PAX5: variants seen among roughly 807,000 people sequenced by gnomAD.
PAX5 encodes the protein paired box protein Pax-5.
In PAX5, 9 loss-of-function variants were observed where a neutral mutation model predicts 43.7. That is an observed-to-expected ratio of 0.21 (90% CI 0.12 to 0.36). The LOEUF (loss-of-function observed/expected upper bound fraction) is 0.36. Ranked by LOEUF, PAX5 falls within the 10% of genes least tolerant of loss-of-function variation. The probability of loss-of-function intolerance (pLI) is 1.00; values close to 1 mark genes in which losing one functional copy is unlikely to be tolerated. For missense variants in PAX5, 383 were observed against 532.7 expected (o/e 0.72, Z 2.77); for synonymous variants, 228 against 214.3 (o/e 1.06, Z -0.56).
intron 7 of PAX5, among the ~76,000 whole-genome samples, chr9:36,913,381 A>G (rs1829464011): frequency 6.6e-6 from 1 of 152,244 alleles, no homozygotes; most frequent in Non-Finnish European, 1.5e-5. Context: ...GTCTGGCCCC[A>G]TTCCTTTGTT....
rs2131653784 is a variant in PAX5, at chr9:36,862,177, C to T, written c.1013-15248G>A. Among the ~76,000 whole-genome samples the T allele has an allele frequency of 1.3e-5, 2 of 152,126 alleles. 1 individual carries two copies. The highest frequency in any genetic ancestry group is 3.9e-4 in the East Asian group (2 of 5,178). ...CTCTCGCTAAGCCTGTCACAAAAGC[C>T]ATAAAAATGGGTCCCTACGGGGTTG... On this transcript the variant is annotated intron_variant, in intron 8 of 9. Coordinates refer to ENST00000358127, the MANE Select transcript of PAX5 (RefSeq NM_016734.3).
At chr9:37,033,485 A>G (rs540849940) in intron 1 of PAX5, among the ~76,000 whole-genome samples, 23 of 152,184 alleles carry the variant, frequency 1.5e-4, no homozygotes, top group Non-Finnish European at 2.8e-4. Flanking sequence ...GTACACTCAG[A>G]TATTTCCGAA....
At chr9:36,872,374 T>A (rs551610935) in intron 8 of PAX5, among the ~76,000 whole-genome samples, 94 of 152,314 alleles carry the variant, frequency 6.2e-4, no homozygotes, top group African/African-American at 2.2e-3. Flanking sequence ...GGAGCTGTTA[T>A]GAGCAGGGAT....
chr9:37,011,973 A>T (rs758097452), intron 3 of PAX5, among the ~76,000 whole-genome samples: 1 of 152,158 alleles, frequency 6.6e-6, no homozygotes, highest in Non-Finnish European at 1.5e-5. Context: ...CCTTCATCTG[A>T]AAAATAAAAC....
chr9:36,884,891 G>T (rs1232460834), intron 7 of PAX5, among the ~76,000 whole-genome samples: 4 of 152,190 alleles, frequency 2.6e-5, no homozygotes, highest in African/African-American at 7.2e-5. Flanking sequence ...AGCCCACCAG[G>T]ATGGCAGTAT....
At chr9:36,863,390 G>C (rs1207214852) in intron 8 of PAX5, among the ~76,000 whole-genome samples, 1 of 152,292 alleles carries the variant, frequency 6.6e-6, no homozygotes, top group East Asian at 1.9e-4. Context: ...CGGCCTCCCC[G>C]AGTGCTGGGA....
chr9:36,866,047 T>C (rs1824843671), intron 8 of PAX5, among the ~76,000 whole-genome samples: 1 of 152,180 alleles, frequency 6.6e-6, no homozygotes, highest in African/African-American at 2.4e-5. Flanking sequence ...GGGGCTGATG[T>C]TATTGAAAGG....
At chr9:37,003,271 C>T (rs1292681253) in intron 4 of PAX5, among the ~76,000 whole-genome samples, 1 of 152,020 alleles carries the variant, frequency 6.6e-6, no homozygotes, top group Non-Finnish European at 1.5e-5. Context: ...CAAACTCACG[C>T]GCACGGCTAA....
intron 3 of PAX5, 131 bp from the exon 4 acceptor site, chr9:37,006,668 G>C: frequency 2.8e-6 from 2 of 713,438 alleles, no homozygotes; most frequent in Non-Finnish European, 5.1e-6. Context: ...CAGAGGGGCA[G>C]AGGTGGAGGG....
At position 37,002,612 on chromosome 9, in the gene PAX5, G is replaced by T. The variant is rs775764534; in HGVS notation, c.604+36C>A. On this transcript the variant is annotated intron_variant, in intron 5 of 9. Transcript: ENST00000358127. ...GAGCGCCGGAAACAGACCCCGTGGA[G>T]CGCATCCCCGACGGGGCTGCGCGGG... is the stretch of plus-strand genomic sequence containing the variant. The T allele has an allele frequency of 2.8e-4, 450 of 1,592,058 alleles. 3 individuals are homozygous for T. Among genetic ancestry groups the T allele is most frequent in the Middle Eastern group, 1.8e-4 (1 of 5,678 alleles).
At chr9:36,852,981 T>C (rs976135082) in intron 8 of PAX5, among the ~76,000 whole-genome samples, 1 of 152,176 alleles carries the variant, frequency 6.6e-6, no homozygotes, top group South Asian at 2.1e-4. Flanking sequence ...TCACCCCTGA[T>C]GTATTTGAAA....
intron 7 of PAX5, among the ~76,000 whole-genome samples, chr9:36,904,040 T>C (rs548132454): frequency 6.6e-6 from 1 of 152,330 alleles, no homozygotes; most frequent in East Asian, 1.9e-4. Context: ...GTTTCTATGC[T>C]TCTCTGTGCC....
chr9:36,900,685 C>T (rs1828305533), intron 7 of PAX5, among the ~76,000 whole-genome samples: 1 of 152,154 alleles, frequency 6.6e-6, no homozygotes, highest in Non-Finnish European at 1.5e-5. Context: ...ACCCTGGTTT[C>T]CCAGAGTCCC....
At position 36,975,393 on chromosome 9, in the gene PAX5, T is replaced by G. The variant is rs186373214; in HGVS notation, c.605-8669A>C. Among the ~76,000 whole-genome samples the G allele has an allele frequency of 6.0e-4, 91 of 151,764 alleles. 1 individual carries two copies. Among genetic ancestry groups the G allele is most frequent in the African/African-American group, 2.1e-3 (88 of 41,400 alleles). ...ATGATATTTGAGCAATTTCTTTTTTTTTTGTTTTTTGAGACGGAGTCTTGC... is the reference window on the plus strand; with the variant it reads ...ATGATATTTGAGCAATTTCTTTTTTGTTTGTTTTTTGAGACGGAGTCTTGC... On this transcript the variant is annotated intron_variant, in intron 5 of 9. Coordinates refer to ENST00000358127, the MANE Select transcript of PAX5 (RefSeq NM_016734.3).
intron 7 of PAX5, chr9:36,893,569 G>A (rs1827587501): frequency 6.5e-6 from 1 of 154,422 alleles, no homozygotes; most frequent in African/African-American, 2.4e-5. Flanking sequence ...GACGAGCTCA[G>A]TGGCTTGGCT....
intron 8 of PAX5, chr9:36,861,165 C>G (rs1730709722): frequency 1.3e-5 from 2 of 151,956 alleles, no homozygotes; most frequent in African/African-American, 4.8e-5. Context: ...GCCCTGGTGG[C>G]ATCTGCCTTG....
At chr9:36,964,330 T>C (rs772376824) in intron 6 of PAX5, among the ~76,000 whole-genome samples, 2 of 151,900 alleles carry the variant, frequency 1.3e-5, no homozygotes, top group African/African-American at 2.4e-5. Flanking sequence ...GGCTCACACC[T>C]ATAATCCCAG....
rs1355754180 is a variant in PAX5 at position 37,015,222 on chromosome 9, C to T, written c.213-28G>A. On this transcript the variant is annotated intron_variant, in intron 2 of 9. Transcript: ENST00000358127. This position sits in a 1 kb window ranked among gnomAD's most constrained non-coding sequence, Gnocchi z 4.4. Reference sequence around the variant, plus strand: ...AGGACCCAAAGAGAAAGAAGCTTAGCCATGAGGAACCAGTAAAGTGGATAT... The same window carrying T: ...AGGACCCAAAGAGAAAGAAGCTTAGTCATGAGGAACCAGTAAAGTGGATAT... 1.3e-6 allele frequency: 2 copies of T among 1,592,918 alleles called. No individual in the cohort carries two copies. Among genetic ancestry groups the T allele is most frequent in the Non-Finnish European group, 8.6e-7 (1 of 1,161,208 alleles).
At chr9:37,026,824 T>C (rs2132539557) in intron 1 of PAX5, 1 of 632,574 alleles carries the variant, frequency 1.6e-6, no homozygotes, top group South Asian at 7.0e-5. Context: ...CTGGCTTCCC[T>C]CCCTGGCTGG....
Sources: gnomAD v4.1 joint callset for allele counts (sites outside exome capture counted in the v4.1 genomes callset) on GRCh38, gnomAD v4.1.1 for gene constraint, Gnocchi (gnomAD v3.1) non-coding constraint, MANE v1.5 for transcripts, NCBI Gene and HGNC (gene_info 2026-07-23, HGNC 2026-07-21) for gene names.